TNK2: variants seen among roughly 807,000 people sequenced by gnomAD.
TNK2 encodes activated CDC42 kinase 1.
TNK2 carries 83 observed loss-of-function variants against 101.8 expected under a neutral mutation model. The observed-to-expected ratio is 0.82, with a 90% confidence interval of 0.68 to 0.98. The LOEUF (loss-of-function observed/expected upper bound fraction) is 0.98. Ranked by LOEUF, TNK2 falls within the 50% of genes least tolerant of loss-of-function variation. TNK2 has a pLI of 0.00. For synonymous variants in TNK2, 804 were observed against 633.0 expected (o/e 1.27, Z -4.06); for missense variants, 1,665 against 1,483.2 (o/e 1.12, Z -2.01).
chr3:195,891,331 G>A (rs577856538), intron 1 of TNK2, among the ~76,000 whole-genome samples: 10 of 152,364 alleles, frequency 6.6e-5, no homozygotes, highest in South Asian at 4.1e-4. Flanking sequence ...ACTTGAACCC[G>A]GGAGGCGGAG....
At position 195,867,073 on chromosome 3, in the gene TNK2, G is replaced by C. The variant is rs950849420; in HGVS notation, c.3034-57C>G. On this transcript the variant is annotated intron_variant, in intron 14 of 15. Coordinates refer to ENST00000672887, the MANE Select transcript of TNK2 (RefSeq NM_001382273.1). ...GGCCCAGGGCACCGACTAGGGTGGG[G>C]AAGAGGGGAGTCGGAGCCAGGGGGC... The C allele has an allele frequency of 6.2e-6, 10 of 1,608,700 alleles. No individual in the cohort carries two copies. In the African/African-American group the frequency reaches 1.3e-4, roughly 21 times the overall value.
At chr3:195,894,365 T>A (rs2149787921) in intron 1 of TNK2, 1 of 152,258 alleles carries the variant, frequency 6.6e-6, no homozygotes, top group East Asian at 1.9e-4. Context: ...GTAATCCAGC[T>A]GCGGGAAGAA....
Position 195,870,362 on chromosome 3 carries a change from C to G in TNK2, c.1452-157G>C, listed in dbSNP as rs765861853. 5 of 1,496,116 alleles carry G rather than the reference C, an allele frequency of 3.3e-6. No individual in the cohort carries two copies. The East Asian group carries it at 1.4e-4, about 42-fold the overall frequency. The allele number at this position is 1,496,116 out of a possible 1,614,324, so 92.7% of individuals were successfully genotyped here. On this transcript the variant is annotated intron_variant, in intron 10 of 15. Transcript: ENST00000672887. ...CAGTCCACAGAACCTGACCGCACGT[C>G]TCAGCTGGGGGGTGTCCTGGAGAGA...
intron 6 of TNK2, among the ~76,000 whole-genome samples, chr3:195,881,664 G>A (rs1286203087): frequency 1.0e-5 from 1 of 98,580 alleles, no homozygotes; most frequent in Non-Finnish European, 1.9e-5. Flanking sequence ...CCTTTGGAGA[G>A]GACACAGCAT....
At chr3:195,870,379 C>T (rs1231519362) in intron 10 of TNK2, 174 bp from the exon 11 acceptor site, 3 of 1,472,702 alleles carry the variant, frequency 2.0e-6, no homozygotes, top group Non-Finnish European at 1.8e-6. Context: ...GGGGGGTGTC[C>T]TGGAGAGAAG....
rs578158862 is a variant in TNK2, at chr3:195,868,593, G to A, written c.1705C>T (p.Arg569Trp). Residue 569 changes from arginine to tryptophan, a missense_variant, in exon 13 of 16, where the codon CGG (arginine) becomes TGG (tryptophan). By Grantham distance (101) the Arg-to-Trp change is moderately radical. Coordinates refer to ENST00000672887, the MANE Select transcript of TNK2 (RefSeq NM_001382273.1). ...CGGCTGGCCTTGGTGCCCGGCACCC[G>A]CGCCGAGGGCTTCGCCAGCCACAGC... is the stretch of plus-strand genomic sequence containing the variant. ...RGLWLAKPSARVPGTKASRGS... is the reference protein window; with the variant it reads ...RGLWLAKPSAWVPGTKASRGS... The A allele has an allele frequency of 1.5e-5, 24 of 1,576,700 alleles. No individual in the cohort carries two copies. Among genetic ancestry groups the A allele is most frequent in the East Asian group, 1.4e-4 (6 of 43,218 alleles).
rs1200694960 is a variant in TNK2, at chr3:195,888,020, AAG to A, written c.163+404_163+405del. Among the ~76,000 whole-genome samples the A allele has an allele frequency of 5.9e-4, 90 of 152,006 alleles. No homozygotes were observed. Among genetic ancestry groups the A allele is most frequent in the African/African-American group, 2.1e-3 (88 of 41,460 alleles). On this transcript the variant is annotated intron_variant, in intron 2 of 15. Coordinates refer to ENST00000672887, the MANE Select transcript of TNK2 (RefSeq NM_001382273.1). The surrounding 1 kb of genome is among the most constrained non-coding windows in gnomAD (Gnocchi z 5.3). ...CGTGTGTGCGTGTGAGAGAGCAAGA[AAG>A]AGAGCGTGAGCACGAATCAGCAAAC...
intron 2 of TNK2, among the ~76,000 whole-genome samples, chr3:195,887,960 G>A (rs75216796): frequency 0.05 from 5,371 of 107,554 alleles, 222 homozygotes; most frequent in African/African-American, 0.13. Context: ...GCCTGCGTGT[G>A]TGTGTGTGTG....
chr3:195,869,115 A>C, intron 12 of TNK2: 1 of 468,562 alleles, frequency 2.1e-6, no homozygotes. Flanking sequence ...TCCTGCCATC[A>C]GGGGCTATAA....
Position 195,888,441 on chromosome 3 carries a change from C to T in TNK2, c.148G>A (p.Gly50Ser), listed in dbSNP as rs202061093. Residue 50 changes from glycine (G) to serine (S), a missense_variant, in exon 2 of 16, where the codon GGC (glycine) becomes AGC (serine). Gly to Ser is a moderately conservative substitution (Grantham distance 56). This residue lies in a region of TNK2 where 490 missense variants were observed against 522.5 expected (regional missense o/e 0.94). Transcript: ENST00000672887. The surrounding 1 kb of genome is among the most constrained non-coding windows in gnomAD (Gnocchi z 5.3). Reference sequence around the variant, plus strand: ...TCCCACCTACCAGGCCGACCCATGCCGATCTTCTCCAGGTCCTCATTCTTG... The same window carrying T: ...TCCCACCTACCAGGCCGACCCATGCTGATCTTCTCCAGGTCCTCATTCTTG... ...YVKNEDLEKI[G>S]MGRPGQRRLW... 74 of 1,613,670 alleles carry T rather than the reference C, an allele frequency of 4.6e-5. No individual in the cohort carries two copies. The East Asian group carries it at 6.2e-4, about 14-fold the overall frequency.
Position 195,882,420 on chromosome 3 carries a change from C to A in TNK2, c.610-92G>T, listed in dbSNP as rs1405651576. ...GGGCCCCCAGTCCCCTTCCTGAAGG[C>A]TTTCCAGAGCCAGGCTGCACGCACC... On this transcript the variant is annotated intron_variant, in intron 5 of 15. Coordinates refer to ENST00000672887, the MANE Select transcript of TNK2 (RefSeq NM_001382273.1). This position sits in a 1 kb window ranked among gnomAD's most constrained non-coding sequence, Gnocchi z 4.2. The A allele has an allele frequency of 1.3e-6, 2 of 1,572,842 alleles. No individual in the cohort carries two copies. The highest frequency in any genetic ancestry group is 1.7e-4 in the Middle Eastern group (1 of 5,898).
At chr3:195,892,597 A>G (rs974430517) in intron 1 of TNK2, 2 of 1,456,406 alleles carry the variant, frequency 1.4e-6, no homozygotes, top group Non-Finnish European at 1.8e-6. Context: ...AGGGGTGGGA[A>G]ATGAGGAAGA....
In TNK2 at chr3:195,888,349, C is replaced by T. The variant is rs1757018055; in HGVS notation, c.163+77G>A. The T allele has an allele frequency of 1.3e-6, 2 of 1,494,052 alleles. No individual in the cohort carries two copies. Among genetic ancestry groups the T allele is most frequent in the Non-Finnish European group, 1.8e-6 (2 of 1,088,588 alleles). The allele number at this position is 1,494,052 out of a possible 1,614,324, so 92.5% of individuals were successfully genotyped here. Reference sequence around the variant, plus strand: ...CTGGGACAGAGTTCTCAGCTGCCACCCGTGCACCGAGTGGTCCTGAGGACA... The same window carrying T: ...CTGGGACAGAGTTCTCAGCTGCCACTCGTGCACCGAGTGGTCCTGAGGACA... On this transcript the variant is annotated intron_variant, in intron 2 of 15. Coordinates refer to ENST00000672887, the MANE Select transcript of TNK2 (RefSeq NM_001382273.1). The surrounding 1 kb of genome is among the most constrained non-coding windows in gnomAD (Gnocchi z 5.3).
chr3:195,872,313 G>T lies in TNK2; in HGVS notation c.1414C>A (p.Pro472Thr). Residue 472 changes from proline to threonine, a missense_variant, in exon 10 of 16, where the codon CCC becomes ACC. Coordinates refer to ENST00000672887, the MANE Select transcript of TNK2 (RefSeq NM_001382273.1). ...TCCGGGAAGCCCCAGCAGTGGCGGG[G>T]GTCACTGTCGCCATGCCCTGTGTGG... The part of the protein sequence containing the change: ...FIHTGHGDSD[P>T]RHCWGFPDRI... The T allele has an allele frequency of 1.2e-6, 2 of 1,613,322 alleles. No individual in the cohort carries two copies. The highest frequency in any genetic ancestry group is 1.7e-6 in the Non-Finnish European group (2 of 1,179,940).
chr3:195,902,645 A>AG (rs1761330472), intron 1 of TNK2, among the ~76,000 whole-genome samples: 2 of 112,554 alleles, frequency 1.8e-5, no homozygotes, highest in Admixed American at 1.6e-4. Flanking sequence ...AAAAACAAAC[A>AG]TAAAAAAAAA....
chr3:195,889,906 C>A (rs142197396), intron 1 of TNK2, among the ~76,000 whole-genome samples: 1,738 of 152,300 alleles, frequency 0.011, 46 homozygotes, highest in Admixed American at 0.058. Flanking sequence ...GGGGACCAAG[C>A]CATCCCCCTC....
At position 195,888,460 on chromosome 3, in the gene TNK2, A is replaced by T; in HGVS notation, c.129T>A (p.Asn43Lys). 1 of 1,613,916 alleles carries T rather than the reference A, an allele frequency of 6.2e-7. No homozygotes were observed. The highest frequency in any genetic ancestry group is 8.5e-7 in the Non-Finnish European group (1 of 1,179,916). ...CCATGCCGATCTTCTCCAGGTCCTC[A>T]TTCTTGACGTACTCAAAGTGGGACA... ...TRLSHFEYVK[N>K]EDLEKIGMGR... Residue 43 changes from asparagine to lysine, a missense_variant, in exon 2 of 16, where the codon AAT (asparagine) becomes AAA (lysine). By Grantham distance (94) the Asn-to-Lys change is moderately conservative. Transcript: ENST00000672887. The surrounding 1 kb of genome is among the most constrained non-coding windows in gnomAD (Gnocchi z 5.3).
chr3:195,893,312 A>C (rs918439233), intron 1 of TNK2, among the ~76,000 whole-genome samples: 1 of 151,894 alleles, frequency 6.6e-6, no homozygotes, highest in African/African-American at 2.4e-5. Flanking sequence ...AGTCCAGCCA[A>C]GAGCAAGGGT....
intron 1 of TNK2, among the ~76,000 whole-genome samples, chr3:195,906,867 C>CGAG (rs1761778412): frequency 6.6e-6 from 1 of 152,166 alleles, no homozygotes; most frequent in Non-Finnish European, 1.5e-5. Flanking sequence ...CAGTCTGACC[C>CGAG]TTCCTCCCTA....
Sources: allele counts gnomAD v4.1 joint callset (sites outside exome capture counted in the v4.1 genomes callset), GRCh38; gene constraint gnomAD v4.1.1; regional missense constraint gnomAD v4.1.1; non-coding constraint Gnocchi (gnomAD v3.1); transcripts MANE v1.5; gene names NCBI Gene and HGNC (gene_info 2026-07-23, HGNC 2026-07-21).